DACH2: variants seen among roughly 807,000 people sequenced by gnomAD.
DACH2 encodes the protein dachshund homolog 2.
A neutral mutation model predicts 35.8 loss-of-function variants in DACH2; 17 were observed. The ratio of observed to expected loss-of-function variants is 0.48; its 90% CI spans 0.33 to 0.71. DACH2 has a LOEUF of 0.71. Ranked by LOEUF, DACH2 falls within the 30% of genes least tolerant of loss-of-function variation. DACH2 has a pLI of 0.02. For missense variants in DACH2, 469 were observed against 472.7 expected, an observed-to-expected ratio of 0.99 and a Z score of 0.07; for synonymous variants, 195 against 177.3, an observed-to-expected ratio of 1.10 and a Z score of -0.79.
chrX:86,803,312 A>G (rs1376639949), intron 7 of DACH2, among the ~76,000 whole-genome samples: 1 of 111,733 alleles, frequency 8.9e-6, no homozygotes, highest in Non-Finnish European at 1.9e-5. Context: ...TGCTATGTAG[A>G]CAAGTTCAAT....
At chrX:86,424,244 G>T (rs1038355695) in intron 2 of DACH2, among the ~76,000 whole-genome samples, 2 of 110,791 alleles carry the variant, frequency 1.8e-5, no homozygotes, top group African/African-American at 6.5e-5. Context: ...TTTTGATAGG[G>T]ATTTCAGTGA....
At chrX:86,512,620 G>C (rs752690014) in intron 2 of DACH2, among the ~76,000 whole-genome samples, 2 of 111,947 alleles carry the variant, frequency 1.8e-5, no homozygotes, top group Non-Finnish European at 3.8e-5. Context: ...GACTAATCAG[G>C]TGTGTTTAAA....
intron 1 of DACH2, among the ~76,000 whole-genome samples, chrX:86,179,993 G>A (rs757447901): frequency 9.3e-6 from 1 of 107,528 alleles, no homozygotes; most frequent in South Asian, 4.0e-4. Flanking sequence ...CCTTGATTTT[G>A]TGCTTCTGCC....
chrX:86,810,500 T>A (rs1012791796), intron 7 of DACH2, among the ~76,000 whole-genome samples: 12 of 111,782 alleles, frequency 1.1e-4, no homozygotes, highest in Non-Finnish European at 2.3e-4. Context: ...AATTAATACT[T>A]TAAGATTTAT....
chrX:86,226,568 G>C (rs1424701139), intron 1 of DACH2, among the ~76,000 whole-genome samples: 1 of 111,764 alleles, frequency 8.9e-6, no homozygotes, highest in African/African-American at 3.2e-5. Flanking sequence ...TCTCCATCTA[G>C]AGTTGCATTA....
At chrX:86,743,326 A>G (rs2041677329) in intron 7 of DACH2, among the ~76,000 whole-genome samples, 2 of 111,243 alleles carry the variant, frequency 1.8e-5, no homozygotes, top group African/African-American at 6.5e-5. Flanking sequence ...TAGAGAAAGT[A>G]AGAATTTTAA....
At position 86,591,403 on chromosome X, in the gene DACH2, C is replaced by T. The variant is rs183956113; in HGVS notation, c.641-59633C>T. ...GATCCCTGAGGAATCGCCACACTGA[C>T]TTCCACAATGGTTGAACTAGTTTAC... On this transcript the variant is annotated intron_variant, in intron 3 of 11. Coordinates refer to ENST00000373125, the MANE Select transcript of DACH2 (RefSeq NM_053281.3). Among the ~76,000 whole-genome samples the T allele has an allele frequency of 4.4e-4, 49 of 111,784 alleles. 2 individuals carry two copies. Among genetic ancestry groups the T allele is most frequent in the African/African-American group, 1.5e-3 (46 of 30,744 alleles).
intron 2 of DACH2, among the ~76,000 whole-genome samples, chrX:86,445,645 A>T (rs1602528125): frequency 9.4e-6 from 1 of 106,309 alleles, no homozygotes; most frequent in Non-Finnish European, 1.9e-5. Context: ...GCATTTTTAC[A>T]AATTTTCATG....
intron 1 of DACH2, among the ~76,000 whole-genome samples, chrX:86,231,072 C>T (rs1236883901): frequency 8.9e-6 from 1 of 111,886 alleles, no homozygotes; most frequent in African/African-American, 3.2e-5. Flanking sequence ...GAGGCATGAC[C>T]TTAGATTGTC....
At chrX:86,355,286 A>T (rs1286515729) in intron 1 of DACH2, among the ~76,000 whole-genome samples, 1 of 111,287 alleles carries the variant, frequency 9.0e-6, no homozygotes, top group Non-Finnish European at 1.9e-5. Context: ...ACATATACAC[A>T]TCTTTGCTAT....
chrX:86,248,715 A>C (rs2033338131), intron 1 of DACH2, among the ~76,000 whole-genome samples: 1 of 111,403 alleles, frequency 9.0e-6, no homozygotes, highest in Non-Finnish European at 1.9e-5. Flanking sequence ...ATATGAAACC[A>C]AAAAAGAGCT....
In DACH2 at chrX:86,294,965, G is replaced by C. The variant is rs1357979127; in HGVS notation, c.489-81859G>C. On this transcript the variant is annotated intron_variant, in intron 1 of 11. Transcript: ENST00000373125. ...GGGCTCCACCCAGTTCGAGCTTCCT[G>C]GCTGCTTTGTTTACCTAAGCAAGCC... Among the ~76,000 whole-genome samples, 40 of 112,023 alleles carry C rather than the reference G, an allele frequency of 3.6e-4. 1 individual carries two copies. Among genetic ancestry groups the C allele is most frequent in the Admixed American group, 1.2e-3 (13 of 10,644 alleles).
intron 2 of DACH2, among the ~76,000 whole-genome samples, chrX:86,451,808 T>G (rs2037382780): frequency 9.0e-6 from 1 of 111,080 alleles, no homozygotes; most frequent in African/African-American, 3.3e-5. Context: ...GATAATTTAG[T>G]TCCCCTCTTC....
intron 2 of DACH2, among the ~76,000 whole-genome samples, chrX:86,478,542 C>CTTTTTTT (rs767463672): frequency 2.3e-5 from 2 of 86,947 alleles, no homozygotes; most frequent in African/African-American, 4.2e-5. Context: ...TTTTGTTTTT[C>CTTTTTTT]TTTTTTTTTT....
chrX:86,228,097 A>C (rs2032865699), intron 1 of DACH2, among the ~76,000 whole-genome samples: 1 of 110,300 alleles, frequency 9.1e-6, no homozygotes, highest in African/African-American at 3.3e-5. Context: ...CCATATTTGC[A>C]GTCTTTTATT....
intron 4 of DACH2, among the ~76,000 whole-genome samples, chrX:86,653,245 C>T (rs2040498241): frequency 8.9e-6 from 1 of 112,018 alleles, no homozygotes; most frequent in African/African-American, 3.2e-5. Context: ...GGTTGCAGGT[C>T]TGTGACTTTA....
At chrX:86,383,282 A>G (rs2036073555) in intron 2 of DACH2, among the ~76,000 whole-genome samples, 1 of 109,848 alleles carries the variant, frequency 9.1e-6, no homozygotes, top group Non-Finnish European at 1.9e-5. Flanking sequence ...ATTAAAAAAT[A>G]TATTGCAGTT....
intron 1 of DACH2, among the ~76,000 whole-genome samples, chrX:86,343,720 C>T (rs1019717461): frequency 9.0e-6 from 1 of 111,127 alleles, no homozygotes; most frequent in Non-Finnish European, 1.9e-5. Context: ...GGGTGTATCC[C>T]AAGGATTAGC....
At position 86,651,213 on chromosome X, in the gene DACH2, T is replaced by A. The variant is rs555201863; in HGVS notation, c.772+46T>A. 3.1e-5 allele frequency: 36 copies of A among 1,169,261 alleles called. 1 individual carries two copies. The highest frequency in any genetic ancestry group is 2.7e-4 in the African/African-American group (15 of 55,641). The stretch of plus-strand genomic sequence containing the variant: ...CAGACCAATGACTCTTACTGTTCTA[T>A]TGTGGGGCAGGAGAGAGGTGGGATG... On this transcript the variant is annotated intron_variant, in intron 4 of 11. Transcript: ENST00000373125.
Sources: allele counts gnomAD v4.1 joint callset (sites outside exome capture counted in the v4.1 genomes callset), GRCh38; gene constraint gnomAD v4.1.1; transcripts MANE v1.5; gene names NCBI Gene and HGNC (gene_info 2026-07-23, HGNC 2026-07-21).